RPS6KC1: variants seen among roughly 807,000 people sequenced by gnomAD.
The protein encoded by RPS6KC1 is inactive ribosomal protein S6 kinase delta-1.
RPS6KC1 carries 54 observed loss-of-function variants against 103.8 expected under a neutral mutation model. That is an observed-to-expected ratio of 0.52 (90% CI 0.42 to 0.65). RPS6KC1 has a LOEUF of 0.65. Among genes scored for constraint, RPS6KC1 ranks in the 30% least tolerant of loss-of-function variants. RPS6KC1 has a pLI of 0.00. For synonymous variants in RPS6KC1, 439 were observed against 438.7 expected, an observed-to-expected ratio of 1.00 and a Z score of -0.01; for missense variants, 1,151 against 1,253.8, an observed-to-expected ratio of 0.92 and a Z score of 1.24.
At chr1:213,571,453 G>T in the RPS6KC1 span, among the ~76,000 whole-genome samples, 7 of 152,156 alleles carry the variant, frequency 4.6e-5, no homozygotes, top group Non-Finnish European at 8.8e-5. Flanking sequence ...GAAGCAGAGA[G>T]GAGATAGGGC....
At chr1:213,567,052 T>G in the RPS6KC1 span, among the ~76,000 whole-genome samples, 1 of 152,156 alleles carries the variant, frequency 6.6e-6, no homozygotes, top group African/African-American at 2.4e-5. Context: ...TCAGAGAAAT[T>G]TTTTCATTTG....
the RPS6KC1 span, among the ~76,000 whole-genome samples, chr1:213,469,915 C>T: frequency 6.6e-6 from 1 of 152,080 alleles, no homozygotes; most frequent in Non-Finnish European, 1.5e-5. Context: ...AGCTAGTACT[C>T]AGAAGGGTGA....
At chr1:213,358,377 A>C in the RPS6KC1 span, among the ~76,000 whole-genome samples, 2 of 152,126 alleles carry the variant, frequency 1.3e-5, no homozygotes, top group Non-Finnish European at 2.9e-5. Context: ...TGTATGTGTC[A>C]AGGAATTTAT....
the RPS6KC1 span, among the ~76,000 whole-genome samples, chr1:213,448,225 C>CA: frequency 7.2e-3 from 543 of 75,708 alleles, 10 homozygotes; most frequent in Middle Eastern, 0.01. Context: ...GTGAGACTGT[C>CA]AAAAAAAAAA....
chr1:213,595,207 CAA>C, the RPS6KC1 span, among the ~76,000 whole-genome samples: 1 of 152,192 alleles, frequency 6.6e-6, no homozygotes, highest in Non-Finnish European at 1.5e-5. Context: ...GTATTATTCA[CAA>C]TGACACCAAT....
the RPS6KC1 span, among the ~76,000 whole-genome samples, chr1:213,421,887 T>G: frequency 6.6e-6 from 1 of 152,344 alleles, no homozygotes; most frequent in Non-Finnish European, 1.5e-5. Context: ...CTCTGCCTAG[T>G]GTGGTAATAG....
At chr1:213,693,510 C>T in the RPS6KC1 span, among the ~76,000 whole-genome samples, 1 of 152,150 alleles carries the variant, frequency 6.6e-6, no homozygotes, top group Non-Finnish European at 1.5e-5. Flanking sequence ...AGGCACAGAA[C>T]AGCTGTAATA....
the RPS6KC1 span, among the ~76,000 whole-genome samples, chr1:213,292,837 C>T: frequency 2.6e-5 from 4 of 152,184 alleles, no homozygotes; most frequent in Middle Eastern, 6.8e-3. Flanking sequence ...TGAATAACAC[C>T]TCTCTGGCCA....
chr1:213,734,579 A>G, the RPS6KC1 span, among the ~76,000 whole-genome samples: 1 of 152,212 alleles, frequency 6.6e-6, no homozygotes, highest in African/African-American at 2.4e-5. Context: ...GCTGTGCAGT[A>G]ATGACATATC....
the RPS6KC1 span, among the ~76,000 whole-genome samples, chr1:213,501,339 A>G: frequency 6.6e-6 from 1 of 152,230 alleles, no homozygotes. Flanking sequence ...TAGAGAAAAA[A>G]TTATGTTCTC....
chr1:213,526,146 G>A, the RPS6KC1 span, among the ~76,000 whole-genome samples: 1 of 152,050 alleles, frequency 6.6e-6, no homozygotes, highest in Non-Finnish European at 1.5e-5. Flanking sequence ...AGAGAGGAGG[G>A]CACAGATTAC....
intron 1 of RPS6KC1, among the ~76,000 whole-genome samples, chr1:213,067,913 C>T (rs185954925): frequency 2.6e-5 from 4 of 152,186 alleles, no homozygotes; most frequent in Non-Finnish European, 4.4e-5. Context: ...CTGAAGAAAA[C>T]CAAAATGTGG....
chr1:213,256,388 G>T (rs904899674), intron 12 of RPS6KC1, among the ~76,000 whole-genome samples: 3 of 152,118 alleles, frequency 2.0e-5, no homozygotes, highest in Admixed American at 2.0e-4. Flanking sequence ...TTCGTGTCTT[G>T]GACTAGCTAG....
chr1:213,693,117 T>C, the RPS6KC1 span, among the ~76,000 whole-genome samples: 116 of 152,348 alleles, frequency 7.6e-4, no homozygotes, highest in African/African-American at 2.6e-3. Flanking sequence ...TTTCTCTCTC[T>C]GGTCTCTAGC....
At chr1:213,533,971 C>A in the RPS6KC1 span, among the ~76,000 whole-genome samples, 1 of 152,218 alleles carries the variant, frequency 6.6e-6, no homozygotes, top group African/African-American at 2.4e-5. Flanking sequence ...CTCATCCAGG[C>A]AGACTCCTTC....
the RPS6KC1 span, among the ~76,000 whole-genome samples, chr1:213,823,483 A>C: frequency 6.6e-6 from 1 of 151,954 alleles, no homozygotes; most frequent in Non-Finnish European, 1.5e-5. Flanking sequence ...ATGCTTGAAA[A>C]CCTTGAGCCA....
the RPS6KC1 span, among the ~76,000 whole-genome samples, chr1:213,541,478 G>T: frequency 6.6e-6 from 1 of 151,874 alleles, no homozygotes; most frequent in African/African-American, 2.4e-5. Context: ...TAAAACAAAC[G>T]CAAACAAACA....
At chr1:213,611,704 T>C in the RPS6KC1 span, among the ~76,000 whole-genome samples, 1 of 152,124 alleles carries the variant, frequency 6.6e-6, no homozygotes, top group Admixed American at 6.5e-5. Flanking sequence ...CTTGGCGGAG[T>C]TGCTCCTGTG....
At chr1:213,625,894 G>A in the RPS6KC1 span, among the ~76,000 whole-genome samples, 1 of 152,102 alleles carries the variant, frequency 6.6e-6, no homozygotes, top group African/African-American at 2.4e-5. Context: ...AAACATACGT[G>A]TGCATGTGTC....
Sources: allele counts gnomAD v4.1 joint callset (sites outside exome capture counted in the v4.1 genomes callset), GRCh38; gene constraint gnomAD v4.1.1; transcripts MANE v1.5; gene names NCBI Gene and HGNC (gene_info 2026-07-23, HGNC 2026-07-21).